Variants in TLN2 observed in about 807,000 individuals in gnomAD.
TLN2 encodes talin-2.
In TLN2, 118 loss-of-function variants were observed where a neutral mutation model predicts 294.7. The ratio of observed to expected loss-of-function variants is 0.40; its 90% CI spans 0.34 to 0.47. TLN2 has a LOEUF of 0.47. Among genes scored for constraint, TLN2 ranks in the 20% least tolerant of loss-of-function variants. The pLI is 0.84. For synonymous variants in TLN2, 1,431 were observed against 1,304.5 expected (o/e 1.10, Z -2.09); for missense variants, 3,083 against 3,282.2 (o/e 0.94, Z 1.48).
At chr15:62,533,694 AG>A (rs1161047650) in intron 1 of TLN2, among the ~76,000 whole-genome samples, 2 of 152,152 alleles carry the variant, frequency 1.3e-5, no homozygotes, top group Non-Finnish European at 2.9e-5. Context: ...TTATGATGGC[AG>A]GTATTTAGAT....
intron 12 of TLN2, among the ~76,000 whole-genome samples, chr15:62,691,555 A>G (rs1005507338): frequency 1.3e-5 from 2 of 152,206 alleles, no homozygotes; most frequent in African/African-American, 4.8e-5. Flanking sequence ...TAAAATCCTT[A>G]TAATTCCAAT....
Position 62,792,670 on chromosome 15 carries a change from G to A in TLN2, c.5766G>A (p.Gln1922=), listed in dbSNP as rs770139680. ...GATTCCAGATTCGCACTCGTGTGCAGGACCTGGGCCACGGCTGTATCTTCC... is the reference window on the plus strand; with the variant it reads ...GATTCCAGATTCGCACTCGTGTGCAAGACCTGGGCCACGGCTGTATCTTCC... The part of the protein sequence containing the change: ...EIGFQIRTRV[Q]DLGHGCIFLV... Residue 1922 remains glutamine (Q), a synonymous_variant, in exon 46 of 59, where the codon CAG becomes CAA. Transcript: ENST00000636159. 3 of 1,613,840 alleles carry A rather than the reference G, an allele frequency of 1.9e-6. No individual in the cohort carries two copies. The highest frequency in any genetic ancestry group is 1.7e-6 in the Non-Finnish European group (2 of 1,180,026).
intron 2 of TLN2, among the ~76,000 whole-genome samples, chr15:62,605,875 C>G (rs550406698): frequency 6.6e-6 from 1 of 152,308 alleles, no homozygotes; most frequent in South Asian, 2.1e-4. Flanking sequence ...AATGTCTCTT[C>G]AGATGTGCCT....
intron 1 of TLN2, among the ~76,000 whole-genome samples, chr15:62,521,938 A>G (rs1219568236): frequency 3.9e-5 from 6 of 152,186 alleles, no homozygotes; most frequent in Admixed American, 3.9e-4. Context: ...TATTGCCGCA[A>G]AGAGTCTGTT....
At position 62,839,013 on chromosome 15, in the gene TLN2, T is replaced by C. The variant is rs369639148; in HGVS notation, c.7500+32T>C. 2.1e-5 allele frequency: 34 copies of C among 1,603,866 alleles called. No individual in the cohort carries two copies. The African/African-American group carries it at 3.0e-4, about 14-fold the overall frequency. ...AATTAAATCAAGAATAGTATTTACT[T>C]CCCGAGAGAGGTGTTGGGTTATAAC... is the stretch of plus-strand genomic sequence containing the variant. On this transcript the variant is annotated intron_variant, in intron 58 of 58. Coordinates refer to ENST00000636159, the MANE Select transcript of TLN2 (RefSeq NM_015059.3).
Position 62,835,923 on chromosome 15 carries a change from C to G in TLN2, c.7224C>G (p.Leu2408=). The G allele has an allele frequency of 6.2e-7, 1 of 1,614,220 alleles. No individual in the cohort carries two copies. Among genetic ancestry groups the G allele is most frequent in the Non-Finnish European group, 8.5e-7 (1 of 1,180,036 alleles). Residue 2408 remains leucine (L), a synonymous_variant, in exon 57 of 59, where the codon CTC becomes CTG. Coordinates refer to ENST00000636159, the MANE Select transcript of TLN2 (RefSeq NM_015059.3). ...ARMVAAATSS[L]CEAANASVQG... ...TGGTGGCGGCTGCGACCAGCAGTCT[C>G]TGTGAGGCGGCCAATGCCTCCGTTC...
chr15:62,657,392 C>CT (rs2053349799), intron 8 of TLN2, among the ~76,000 whole-genome samples: 1 of 152,082 alleles, frequency 6.6e-6, no homozygotes, highest in Non-Finnish European at 1.5e-5. Flanking sequence ...GATTAGCTAG[C>CT]TTTGTGATTT....
At position 62,480,759 on chromosome 15, in the gene TLN2, CT is replaced by C. The variant is rs1013948465; in HGVS notation, c.-238+90081del. Reference sequence around the variant, plus strand: ...TCTTCCCTCATTGTGCCGGGATGTACTTTTTTTCTTTTTTTGAAGAAGTCAC... The same window carrying C: ...TCTTCCCTCATTGTGCCGGGATGTACTTTTTTCTTTTTTTGAAGAAGTCAC... On this transcript the variant is annotated intron_variant, in intron 1 of 58. Coordinates refer to ENST00000636159, the MANE Select transcript of TLN2 (RefSeq NM_015059.3). Among the ~76,000 whole-genome samples, 5 of 152,236 alleles carry C rather than the reference CT, an allele frequency of 3.3e-5. No individual in the cohort carries two copies. In the South Asian group the frequency reaches 1.0e-3, roughly 32 times the overall value.
chr15:62,746,334 C>T (rs996688184), intron 32 of TLN2, among the ~76,000 whole-genome samples: 6 of 152,048 alleles, frequency 3.9e-5, no homozygotes, highest in Non-Finnish European at 8.8e-5. Context: ...TTTAAAAGCG[C>T]GCATTGAGGA....
chr15:62,743,352 C>G (rs1419881619), intron 32 of TLN2, among the ~76,000 whole-genome samples: 1 of 152,064 alleles, frequency 6.6e-6, no homozygotes, highest in Non-Finnish European at 1.5e-5. Flanking sequence ...TCTCAAACCC[C>G]TTATTATTTG....
intron 2 of TLN2, among the ~76,000 whole-genome samples, chr15:62,609,612 G>A (rs1021306700): frequency 1.3e-5 from 2 of 152,130 alleles, no homozygotes; most frequent in Admixed American, 1.3e-4. Flanking sequence ...CAGCTGATGC[G>A]TCGTTGGCGG....
At chr15:62,739,288 C>A in intron 30 of TLN2, 60 bp from the exon 31 acceptor site, 7 of 1,546,286 alleles carry the variant, frequency 4.5e-6, no homozygotes, top group Non-Finnish European at 5.3e-6. Context: ...CAATACCTTC[C>A]TTTTATCCCT....
chr15:62,480,247 T>A (rs1218496273), intron 1 of TLN2, among the ~76,000 whole-genome samples: 1 of 152,220 alleles, frequency 6.6e-6, no homozygotes, highest in African/African-American at 2.4e-5. Flanking sequence ...AGAGTCTCAC[T>A]CTGTCGCCCA....
Position 62,840,906 on chromosome 15 carries a change from ATTATGTTGTTCTCAGACACTTTGGC to A in TLN2, c.*299_*323del, listed in dbSNP as rs546324875. 5.7e-3 allele frequency: 1,651 copies of A among 289,648 alleles called. 24 individuals are homozygous for A. Among genetic ancestry groups the A allele is most frequent in the African/African-American group, 0.032 (1,505 of 46,498 alleles). 17.9% of individuals were successfully genotyped at this position (289,648 alleles called of 1,614,324 possible). On this transcript the variant is annotated 3_prime_UTR_variant, in exon 59 of 59. Transcript: ENST00000636159. The stretch of plus-strand genomic sequence containing the variant: ...CTGTTACCAACAAAGAAAAGTCAGT[ATTATGTTGTTCTCAGACACTTTGGC>A]TTTTGTTGGTCCTTCTCTTAGGCCT...
intron 48 of TLN2, 106 bp downstream of exon 48, chr15:62,797,508 ATGTG>A: frequency 7.7e-7 from 1 of 1,302,628 alleles, no homozygotes; most frequent in African/African-American, 1.5e-5. Flanking sequence ...GAAGTAGACA[ATGTG>A]TGTGTGAGTG....
At chr15:62,838,536 C>G (rs929364912) in intron 57 of TLN2, among the ~76,000 whole-genome samples, 8 of 152,210 alleles carry the variant, frequency 5.3e-5, no homozygotes, top group African/African-American at 1.9e-4. Flanking sequence ...CTCCGGCATG[C>G]CTCTGTTAAC....
At chr15:62,711,232 C>A (rs918163406) in intron 21 of TLN2, among the ~76,000 whole-genome samples, 1 of 152,156 alleles carries the variant, frequency 6.6e-6, no homozygotes, top group Non-Finnish European at 1.5e-5. Flanking sequence ...TTATACTCCT[C>A]CTACTTCCAG....
At position 62,751,975 on chromosome 15, in the gene TLN2, A is replaced by G. The variant is rs529134641; in HGVS notation, c.4210-330A>G. Among the ~76,000 whole-genome samples the G allele has an allele frequency of 2.6e-5, 4 of 152,322 alleles. No individual in the cohort carries two copies. The East Asian group carries it at 5.8e-4, about 22-fold the overall frequency. ...TATGACCTCACCTACAGCTCGATGC[A>G]TATGATTTTTATATTCTGGGAACTA... On this transcript the variant is annotated intron_variant, in intron 34 of 58. Transcript: ENST00000636159.
chr15:62,443,770 G>C (rs1361400123), intron 1 of TLN2, among the ~76,000 whole-genome samples: 1 of 152,178 alleles, frequency 6.6e-6, no homozygotes, highest in Non-Finnish European at 1.5e-5. Context: ...GGGAGGCAGA[G>C]GACAGAGGAT....
Sources: allele counts gnomAD v4.1 joint callset (sites outside exome capture counted in the v4.1 genomes callset), GRCh38; gene constraint gnomAD v4.1.1; transcripts MANE v1.5; gene names NCBI Gene and HGNC (gene_info 2026-07-23, HGNC 2026-07-21).